The following SP4 variants were observed in gnomAD, a reference collection of about 807,000 sequenced individuals.
SP4 encodes transcription factor Sp4.
SP4 carries 19 observed loss-of-function variants against 72.8 expected under a neutral mutation model. The observed-to-expected ratio is 0.26, with a 90% CI of 0.18 to 0.38. SP4 has a LOEUF of 0.38. SP4 is among the 10% of genes least tolerant of loss of function. The probability of loss-of-function intolerance (pLI) is 1.00; values close to 1 mark genes in which losing one functional copy is unlikely to be tolerated. For missense variants in SP4, 1,008 were observed against 926.3 expected, an observed-to-expected ratio of 1.09 and a Z score of -1.14; for synonymous variants, 395 against 333.1, an observed-to-expected ratio of 1.19 and a Z score of -2.02.
At chr7:21,470,743 T>C (rs1010477103) in intron 3 of SP4, among the ~76,000 whole-genome samples, 1 of 117,524 alleles carries the variant, frequency 8.5e-6, no homozygotes, top group African/African-American at 3.5e-5. Flanking sequence ...CCAGTTTCTA[T>C]ATTTGGAAAA....
intron 5 of SP4, among the ~76,000 whole-genome samples, chr7:21,489,752 G>T (rs911746377): frequency 3.3e-5 from 5 of 151,748 alleles, no homozygotes; most frequent in African/African-American, 9.7e-5. Flanking sequence ...GTAGAGATGG[G>T]GTTTCACTGT....
At chr7:21,428,944 GT>G in intron 2 of SP4, 152 bp downstream of exon 2, 1 of 673,560 alleles carries the variant, frequency 1.5e-6, no homozygotes, top group South Asian at 2.0e-5. Context: ...AATTCATCAA[GT>G]TTTCACCTCT....
At chr7:21,443,693 A>G (rs1783331598) in intron 3 of SP4, among the ~76,000 whole-genome samples, 2 of 152,096 alleles carry the variant, frequency 1.3e-5, no homozygotes, top group Non-Finnish European at 2.9e-5. Context: ...GGGGTGGAAA[A>G]TCCTTGCTCT....
At position 21,443,899 on chromosome 7, in the gene SP4, T is replaced by C. The variant is rs533359805; in HGVS notation, c.1678+13056T>C. Among the ~76,000 whole-genome samples, 12 of 152,358 alleles carry C rather than the reference T, an allele frequency of 7.9e-5. No homozygotes were observed. In the South Asian group the frequency reaches 2.3e-3, roughly 29 times the overall value. ...CAGGTTGAGACAAATCTTTGACAGA[T>C]GTCATAAATACTACAAACTATAACA... On this transcript the variant is annotated intron_variant, in intron 3 of 5. Transcript: ENST00000222584.
intron 3 of SP4, among the ~76,000 whole-genome samples, chr7:21,433,650 C>CT (rs144597722): frequency 7.9e-5 from 12 of 152,138 alleles, no homozygotes; most frequent in Admixed American, 6.5e-4. Flanking sequence ...TTGTAAGACA[C>CT]TAAGAGTGGG....
chr7:21,435,790 T>A lies in SP4; in HGVS notation c.1678+4947T>A, dbSNP rs374890013. ...AGCTGGCTTTACCTATTGAATGATT[T>A]TTTCATGGAAGATGAAAAGTACTCA... On this transcript the variant is annotated intron_variant, in intron 3 of 5. Coordinates refer to ENST00000222584, the MANE Select transcript of SP4 (RefSeq NM_003112.5). Among the ~76,000 whole-genome samples the A allele has an allele frequency of 1.2e-3, 180 of 152,360 alleles. 1 individual carries two copies. The highest frequency in any genetic ancestry group is 4.2e-3 in the African/African-American group (175 of 41,588).
chr7:21,502,035 T>C, intron 5 of SP4, among the ~76,000 whole-genome samples: 1 of 117,670 alleles, frequency 8.5e-6, no homozygotes, highest in African/African-American at 3.5e-5. Flanking sequence ...TTAAATTCAT[T>C]AGGCACCCCC....
At chr7:21,464,122 CTTTTT>C (rs995083942) in intron 3 of SP4, among the ~76,000 whole-genome samples, 2 of 127,332 alleles carry the variant, frequency 1.6e-5, no homozygotes, top group South Asian at 5.0e-4. Flanking sequence ...AGGGCGCTCT[CTTTTT>C]TTTTTTTTTT....
chr7:21,484,597 T>C (rs549251850), intron 5 of SP4, among the ~76,000 whole-genome samples: 9 of 151,916 alleles, frequency 5.9e-5, no homozygotes, highest in African/African-American at 1.7e-4. Flanking sequence ...GCAAATATGA[T>C]TGATTAAAAG....
chr7:21,474,094 T>C (rs774400640), intron 3 of SP4, among the ~76,000 whole-genome samples: 3 of 152,238 alleles, frequency 2.0e-5, no homozygotes, highest in East Asian at 1.9e-4. Flanking sequence ...ATGCTCACAA[T>C]ATGGAGGCTT....
At chr7:21,436,819 C>A (rs559876082) in intron 3 of SP4, among the ~76,000 whole-genome samples, 29 of 152,168 alleles carry the variant, frequency 1.9e-4, no homozygotes, top group Non-Finnish European at 1.8e-4. Flanking sequence ...ATTGTAGTTA[C>A]TAAGGTAACT....
chr7:21,479,665 AAAC>A (rs1784619790), intron 4 of SP4, among the ~76,000 whole-genome samples: 1 of 152,234 alleles, frequency 6.6e-6, no homozygotes, highest in Admixed American at 6.5e-5. Context: ...TTCTATAAAG[AAAC>A]CAGATGGTAT....
At chr7:21,452,500 C>T (rs534333309) in intron 3 of SP4, among the ~76,000 whole-genome samples, 1 of 152,254 alleles carries the variant, frequency 6.6e-6, no homozygotes, top group Admixed American at 6.5e-5. Context: ...TGTACAGGGA[C>T]TGTGTTGACA....
intron 4 of SP4, among the ~76,000 whole-genome samples, chr7:21,480,617 T>G (rs1021396601): frequency 2.6e-5 from 4 of 152,210 alleles, no homozygotes; most frequent in East Asian, 1.9e-4. Context: ...AGTCCTACTT[T>G]CTTGGTCAGT....
In SP4 at chr7:21,430,714, G is replaced by A. The variant is rs1226583050; in HGVS notation, c.1549G>A (p.Gly517Ser). 1.2e-6 allele frequency: 2 copies of A among 1,614,046 alleles called. No individual in the cohort carries two copies. The highest frequency in any genetic ancestry group is 1.3e-5 in the African/African-American group (1 of 74,904). ...TCAGATTGCTCCTGTGGCTGTTGCTGGTGCCCCAATAACTTTGAATACTGC... is the reference window on the plus strand; with the variant it reads ...TCAGATTGCTCCTGTGGCTGTTGCTAGTGCCCCAATAACTTTGAATACTGC... ...LAQIAPVAVAGAPITLNTAQL... is the reference protein window; with the variant it reads ...LAQIAPVAVASAPITLNTAQL... Residue 517 changes from glycine to serine, a missense_variant, in exon 3 of 6, where the codon GGT (glycine) becomes AGT (serine). This residue lies in a region of SP4 where 893 missense variants were observed against 743.3 expected (regional missense o/e 1.20). Transcript: ENST00000222584.
At chr7:21,506,489 C>T (rs1215348469) in intron 5 of SP4, among the ~76,000 whole-genome samples, 3 of 152,150 alleles carry the variant, frequency 2.0e-5, no homozygotes, top group African/African-American at 4.8e-5. Flanking sequence ...CTGCATTTCC[C>T]TTCTTTCTTT....
chr7:21,477,035 G>A (rs760205677), intron 3 of SP4, 44 bp from the exon 4 acceptor site: 9 of 1,417,752 alleles, frequency 6.3e-6, no homozygotes, highest in Non-Finnish European at 8.9e-6. Flanking sequence ...CTTTCTTTAG[G>A]TGTAGAAAAC....
At chr7:21,445,647 A>G (rs1783398733) in intron 3 of SP4, among the ~76,000 whole-genome samples, 1 of 152,120 alleles carries the variant, frequency 6.6e-6, no homozygotes, top group South Asian at 2.1e-4. Flanking sequence ...AGTAGATGAG[A>G]AAATCAAGGC....
chr7:21,488,358 A>G (rs1388725916), intron 5 of SP4, among the ~76,000 whole-genome samples: 1 of 151,950 alleles, frequency 6.6e-6, no homozygotes, highest in Admixed American at 6.6e-5. Flanking sequence ...TTTATGTTCC[A>G]TGTCTCCCTC....
Sources: allele counts gnomAD v4.1 joint callset (sites outside exome capture counted in the v4.1 genomes callset), GRCh38; gene constraint gnomAD v4.1.1; regional missense constraint gnomAD v4.1.1; transcripts MANE v1.5; gene names NCBI Gene and HGNC (gene_info 2026-07-23, HGNC 2026-07-21).